Variants in NIBAN1 observed in about 807,000 individuals in gnomAD.
The protein encoded by NIBAN1 is niban apoptosis regulator 1, also known as protein Niban 1.
In NIBAN1, 81 loss-of-function variants were observed where a neutral mutation model predicts 75.1. The ratio of observed to expected loss-of-function variants is 1.08; its 90% CI spans 0.90 to 1.30. The LOEUF (loss-of-function observed/expected upper bound fraction) is 1.30. Ranked by LOEUF, NIBAN1 falls within the 50% of genes most tolerant of loss-of-function variation. NIBAN1 has a pLI of 0.00. For synonymous variants in NIBAN1, 436 were observed against 424.8 expected, an observed-to-expected ratio of 1.03 and a Z score of -0.32; for missense variants, 1,133 against 1,128.1, an observed-to-expected ratio of 1.00 and a Z score of -0.06.
intron 4 of NIBAN1, among the ~76,000 whole-genome samples, chr1:184,888,442 C>G (rs1402867271): frequency 6.6e-6 from 1 of 152,144 alleles, no homozygotes; most frequent in African/African-American, 2.4e-5. Flanking sequence ...CTCAACAAAC[C>G]CATAAAATTC....
In NIBAN1 at chr1:184,884,747, G is replaced by C; in HGVS notation, c.487C>G (p.Pro163Ala). The C allele has an allele frequency of 6.2e-7, 1 of 1,614,194 alleles. No individual in the cohort carries two copies. Among genetic ancestry groups the C allele is most frequent in the Non-Finnish European group, 8.5e-7 (1 of 1,180,000 alleles). Residue 163 changes from proline (P) to alanine (A), a missense_variant, in exon 5 of 14, where the codon CCA (proline) becomes GCA (alanine). By Grantham distance (27) the Pro-to-Ala change is conservative (BLOSUM62 -1). Transcript: ENST00000367511. ...QPFVVLPKEF[P>A]VYLWQPFFRH... ...AAGAAGGGCTGCCACAGGTACACTG[G>C]GAATTCCTTGGGCAGGACCACAAAG...
chr1:184,947,652 C>G (rs1658264435), intron 1 of NIBAN1, among the ~76,000 whole-genome samples: 1 of 152,196 alleles, frequency 6.6e-6, no homozygotes, highest in African/African-American at 2.4e-5. Flanking sequence ...AGACAGGAGC[C>G]TTGTGCTGAC....
intron 7 of NIBAN1, 46 bp from the exon 8 acceptor site, chr1:184,823,375 G>C: frequency 6.2e-7 from 1 of 1,604,848 alleles, no homozygotes; most frequent in Non-Finnish European, 8.5e-7. Context: ...TCACGTGTAA[G>C]CACTGATGGA....
At chr1:184,902,860 T>C (rs1656988122) in intron 1 of NIBAN1, among the ~76,000 whole-genome samples, 1 of 152,210 alleles carries the variant, frequency 6.6e-6, no homozygotes, top group Non-Finnish European at 1.5e-5. Context: ...AAGATGCCCA[T>C]ATCACAGGGT....
intron 9 of NIBAN1, among the ~76,000 whole-genome samples, chr1:184,817,380 A>G (rs1430967029): frequency 6.6e-6 from 1 of 152,210 alleles, no homozygotes; most frequent in Non-Finnish European, 1.5e-5. Context: ...TCCTTTGGGT[A>G]TATACCCAGT....
intron 6 of NIBAN1, among the ~76,000 whole-genome samples, chr1:184,827,828 AG>A (rs1194599645): frequency 6.6e-6 from 1 of 152,052 alleles, no homozygotes; most frequent in Non-Finnish European, 1.5e-5. Flanking sequence ...CTGCTGGTCC[AG>A]GCCCCTTGCA....
intron 1 of NIBAN1, among the ~76,000 whole-genome samples, chr1:184,947,073 C>CAAAAAA (rs368783783): frequency 9.5e-4 from 140 of 147,862 alleles, no homozygotes; most frequent in Non-Finnish European, 1.6e-3. Flanking sequence ...AACTCCATCT[C>CAAAAAA]AAAAAGAAAA....
intron 1 of NIBAN1, among the ~76,000 whole-genome samples, chr1:184,947,768 G>A (rs1424550835): frequency 6.6e-6 from 1 of 152,180 alleles, no homozygotes; most frequent in African/African-American, 2.4e-5. Context: ...CAGAAATTAG[G>A]AAGAATTCAG....
chr1:184,830,614 A>T (rs1180823972), intron 6 of NIBAN1, among the ~76,000 whole-genome samples: 1 of 152,236 alleles, frequency 6.6e-6, no homozygotes, highest in Non-Finnish European at 1.5e-5. Context: ...ATGACCACAC[A>T]GAGGCAAGGC....
intron 1 of NIBAN1, among the ~76,000 whole-genome samples, chr1:184,943,070 C>T (rs914286257): frequency 6.6e-6 from 1 of 152,128 alleles, no homozygotes; most frequent in Admixed American, 6.5e-5. Context: ...GTCATAGGCC[C>T]CTTTAATGAT....
At chr1:184,941,369 G>A (rs1335106943) in intron 1 of NIBAN1, among the ~76,000 whole-genome samples, 1 of 152,154 alleles carries the variant, frequency 6.6e-6, no homozygotes, top group Non-Finnish European at 1.5e-5. Flanking sequence ...ATGTGGGAGA[G>A]CCGGGTGCAG....
intron 5 of NIBAN1, among the ~76,000 whole-genome samples, chr1:184,858,762 G>A (rs902367534): frequency 6.6e-6 from 1 of 152,284 alleles, no homozygotes; most frequent in African/African-American, 2.4e-5. Flanking sequence ...GGTGATAGTG[G>A]TAAACCTGGG....
intron 5 of NIBAN1, among the ~76,000 whole-genome samples, chr1:184,875,332 C>T (rs1052187212): frequency 3.3e-5 from 5 of 152,156 alleles, no homozygotes; most frequent in Admixed American, 1.3e-4. Context: ...TCAAAAATAG[C>T]TTGGCTGGAT....
At position 184,800,034 on chromosome 1, in the gene NIBAN1, C is replaced by T. The variant is rs189718830; in HGVS notation, c.1555-1844G>A. ...TGCTGGGATTACAGGCGTGAGCCAC[C>T]GCGCCCGGCCATGATTGCCATTCTA... On this transcript the variant is annotated intron_variant, in intron 12 of 13. Coordinates refer to ENST00000367511, the MANE Select transcript of NIBAN1 (RefSeq NM_052966.4). 5.4e-3 allele frequency among the ~76,000 whole-genome samples: 558 copies of T among 102,464 alleles called. 202 individuals carry two copies. In the East Asian group the frequency reaches 0.17, roughly 32 times the overall value. 67.2% of individuals were successfully genotyped at this position (102,464 alleles called of 152,430 possible). A position where few individuals can be genotyped will look rare whatever the true frequency, so the allele number is the denominator to read the frequency against.
intron 9 of NIBAN1, among the ~76,000 whole-genome samples, chr1:184,811,513 G>GTTTTTTTTTTGTTTTTTTTTTT (rs1553215646): frequency 7.2e-6 from 1 of 139,044 alleles, no homozygotes; most frequent in Non-Finnish European, 1.6e-5. Context: ...TTTTTTTTTT[G>GTTTTTTTTTTGTTTTTTTTTTT]TTTTTTTTTT....
At position 184,795,326 on chromosome 1, in the gene NIBAN1, C is replaced by T. The variant is rs1653816780; in HGVS notation, c.2438G>A (p.Gly813Glu). The T allele has an allele frequency of 1.9e-6, 3 of 1,611,184 alleles. No individual in the cohort carries two copies. Among genetic ancestry groups the T allele is most frequent in the African/African-American group, 1.3e-5 (1 of 74,866 alleles). The change falls in exon 14 of 14, where the codon GGG (glycine) becomes GAG (glutamate). Residue 813 changes from glycine to glutamate, a missense_variant. Gly to Glu is a moderately conservative substitution (Grantham distance 98). Coordinates refer to ENST00000367511, the MANE Select transcript of NIBAN1 (RefSeq NM_052966.4). ...TGTGCAGGCCTCTCCTGGGAGCTCCCCCTCCATGGGCCCCAGGGGCTCCTC... is the reference window on the plus strand; with the variant it reads ...TGTGCAGGCCTCTCCTGGGAGCTCCTCCTCCATGGGCCCCAGGGGCTCCTC... ...LTEEPLGPME[G>E]ELPGEACTLT... is the part of the protein sequence containing the mutation.
intron 1 of NIBAN1, among the ~76,000 whole-genome samples, chr1:184,941,780 C>T (rs1264783890): frequency 1.3e-5 from 2 of 152,054 alleles, no homozygotes; most frequent in Admixed American, 6.6e-5. Context: ...TTACTAAATG[C>T]CAGTCAGAAG....
chr1:184,799,245 A>C (rs868300984), intron 12 of NIBAN1, among the ~76,000 whole-genome samples: 25 of 142,902 alleles, frequency 1.7e-4, no homozygotes, highest in African/African-American at 3.1e-4. Flanking sequence ...TCCTGTGTCC[A>C]TGTGTTCTCA....
intron 12 of NIBAN1, among the ~76,000 whole-genome samples, chr1:184,801,085 C>T (rs1346015782): frequency 2.0e-5 from 3 of 152,096 alleles, no homozygotes; most frequent in Admixed American, 6.5e-5. Flanking sequence ...AATCCTTGCA[C>T]CTGGTGGTGC....
Sources: allele counts gnomAD v4.1 joint callset (sites outside exome capture counted in the v4.1 genomes callset), GRCh38; gene constraint gnomAD v4.1.1; transcripts MANE v1.5; gene names NCBI Gene and HGNC (gene_info 2026-07-23, HGNC 2026-07-21).